Variants in GNAI1 observed in about 807,000 individuals in gnomAD.
GNAI1 encodes the protein guanine nucleotide-binding protein G(i) subunit alpha-1.
GNAI1 carries 11 observed loss-of-function variants against 38.9 expected under a neutral mutation model. That is an observed-to-expected ratio of 0.28 (90% confidence interval 0.18 to 0.47). The LOEUF is 0.47. GNAI1 is among the 20% of genes least tolerant of loss of function. The pLI is 0.99. For synonymous variants in GNAI1, 166 were observed against 145.1 expected (o/e 1.14, Z -1.04); for missense variants, 317 against 436.9 (o/e 0.73, Z 2.45).
At chr7:80,144,731 TAC>T (rs1442321857) in intron 1 of GNAI1, among the ~76,000 whole-genome samples, 1 of 152,212 alleles carries the variant, frequency 6.6e-6, no homozygotes, top group Non-Finnish European at 1.5e-5. Flanking sequence ...TAAGTAAACT[TAC>T]AGTTATAATC....
rs17153603 is a variant in GNAI1 at position 80,218,956 on chromosome 7, G to A, written c.*1463G>A. On this transcript the variant is annotated 3_prime_UTR_variant, in exon 8 of 8. Coordinates refer to ENST00000649796, the MANE Select transcript of GNAI1 (RefSeq NM_002069.6). Reference sequence around the variant, plus strand: ...TCCTTTTTTTACTCATCTTGGAAAAGGTTAGTCTTTCAGTACACGTTGCTG... The same window carrying A: ...TCCTTTTTTTACTCATCTTGGAAAAAGTTAGTCTTTCAGTACACGTTGCTG... 44,182 of 151,654 alleles carry A rather than the reference G, an allele frequency of 0.29. 7,608 individuals are homozygous for A. The highest frequency in any genetic ancestry group is 0.48 in the African/African-American group (19,700 of 41,220). The allele number at this position is 151,654 out of a possible 1,614,324, so 9.4% of individuals were successfully genotyped here.
At chr7:80,164,260 G>A (rs1262259546) in intron 1 of GNAI1, among the ~76,000 whole-genome samples, 3 of 151,534 alleles carry the variant, frequency 2.0e-5, no homozygotes, top group Non-Finnish European at 4.4e-5. Flanking sequence ...GGCCAGGATG[G>A]TCTCATCTCT....
At chr7:80,176,423 G>A (rs1408015383) in intron 1 of GNAI1, among the ~76,000 whole-genome samples, 1 of 152,190 alleles carries the variant, frequency 6.6e-6, no homozygotes, top group Non-Finnish European at 1.5e-5. Flanking sequence ...CGTTGATGAA[G>A]ATGACTACAC....
intron 1 of GNAI1, among the ~76,000 whole-genome samples, chr7:80,154,043 C>T (rs916282507): frequency 6.6e-6 from 1 of 152,130 alleles, no homozygotes; most frequent in African/African-American, 2.4e-5. Context: ...TCACCTTAGC[C>T]CCCCAAGTAG....
intron 4 of GNAI1, among the ~76,000 whole-genome samples, chr7:80,200,413 T>G (rs1272042155): frequency 6.7e-6 from 1 of 149,314 alleles, no homozygotes; most frequent in Non-Finnish European, 1.5e-5. Flanking sequence ...AAAAAATTTA[T>G]AATTTGCCAC....
chr7:80,211,631 T>TTGC (rs1264129237), intron 6 of GNAI1, among the ~76,000 whole-genome samples: 3 of 151,970 alleles, frequency 2.0e-5, no homozygotes, highest in Non-Finnish European at 4.4e-5. Context: ...GTTGGCCAGG[T>TTGC]TGGTCAGAAA....
intron 1 of GNAI1, among the ~76,000 whole-genome samples, chr7:80,155,381 A>T (rs1787801199): frequency 6.6e-6 from 1 of 152,230 alleles, no homozygotes; most frequent in African/African-American, 2.4e-5. Flanking sequence ...TCTATCCAAT[A>T]GTACATATAT....
At chr7:80,152,882 C>T (rs1027112677) in intron 1 of GNAI1, among the ~76,000 whole-genome samples, 3 of 151,586 alleles carry the variant, frequency 2.0e-5, no homozygotes, top group Non-Finnish European at 4.4e-5. Flanking sequence ...GATTCAGTCT[C>T]AATTCTTAAA....
intron 7 of GNAI1, 132 bp downstream of exon 7, chr7:80,213,001 A>G: frequency 1.7e-6 from 1 of 574,798 alleles, no homozygotes; most frequent in Non-Finnish European, 3.0e-6. Context: ...GGTATTATTT[A>G]TCAAACTGCA....
At chr7:80,171,031 C>T (rs916905) in intron 1 of GNAI1, among the ~76,000 whole-genome samples, 98,884 of 152,030 alleles carry the variant, frequency 0.65, 33,665 homozygotes, top group Non-Finnish European at 0.74. Context: ...AGTTGAGGTT[C>T]ATTACTTCTG....
At chr7:80,144,519 T>C (rs1318817271) in intron 1 of GNAI1, among the ~76,000 whole-genome samples, 1 of 152,186 alleles carries the variant, frequency 6.6e-6, no homozygotes, top group Non-Finnish European at 1.5e-5. Context: ...AATTGTAAAA[T>C]GAGTTCCTTA....
Position 80,135,302 on chromosome 7 carries a change from C to T in GNAI1, c.118+24C>T, listed in dbSNP as rs762903032. 3.1e-6 allele frequency: 4 copies of T among 1,275,096 alleles called. No individual in the cohort carries two copies. In the African/African-American group the frequency reaches 4.7e-5, roughly 15 times the overall value. 79.0% of individuals were successfully genotyped at this position (1,275,096 alleles called of 1,614,324 possible). On this transcript the variant is annotated intron_variant, in intron 1 of 7. Coordinates refer to ENST00000649796, the MANE Select transcript of GNAI1 (RefSeq NM_002069.6). The stretch of plus-strand genomic sequence containing the variant: ...CGGTAAGGGCGGCCGGGTCGGGGCC[C>T]GGGGGTCGGCGGGGGACCGGGTGCG...
At chr7:80,207,854 T>G (rs2115697011) in intron 5 of GNAI1, among the ~76,000 whole-genome samples, 1 of 152,268 alleles carries the variant, frequency 6.6e-6, no homozygotes, top group African/African-American at 2.4e-5. Flanking sequence ...ATTAGGCATT[T>G]ATGGCCAGTG....
chr7:80,171,552 C>G (rs1788098412), intron 1 of GNAI1, among the ~76,000 whole-genome samples: 1 of 152,122 alleles, frequency 6.6e-6, no homozygotes, highest in South Asian at 2.1e-4. Context: ...TAATTTACAT[C>G]TTGATGTAAA....
At chr7:80,206,039 A>C (rs532758814) in intron 5 of GNAI1, among the ~76,000 whole-genome samples, 3 of 152,234 alleles carry the variant, frequency 2.0e-5, no homozygotes, top group South Asian at 4.1e-4. Context: ...CTCATAAAGA[A>C]GTCTCACTGT....
chr7:80,175,810 C>T (rs2115580724), intron 1 of GNAI1, among the ~76,000 whole-genome samples: 2 of 152,270 alleles, frequency 1.3e-5, no homozygotes, highest in South Asian at 4.1e-4. Flanking sequence ...CTTCACTGGA[C>T]TGGCTGTTCT....
At chr7:80,217,222 A>ATATGTATGAAACTGACTTCAGTTTCC in intron 7 of GNAI1, 81 bp from the exon 8 acceptor site, 3 of 904,622 alleles carry the variant, frequency 3.3e-6, no homozygotes, top group Non-Finnish European at 5.0e-6. Flanking sequence ...CTTCAGTTTC[A>ATATGTATGAAACTGACTTCAGTTTCC]TATGTATGAA....
intron 1 of GNAI1, among the ~76,000 whole-genome samples, chr7:80,161,774 A>T (rs1367079406): frequency 2.0e-5 from 3 of 152,174 alleles, no homozygotes; most frequent in African/African-American, 7.2e-5. Context: ...TTTTTTTAGC[A>T]TCCCTTGGTT....
intron 1 of GNAI1, among the ~76,000 whole-genome samples, chr7:80,144,180 C>G (rs1026496475): frequency 3.3e-5 from 5 of 150,574 alleles, no homozygotes; most frequent in Admixed American, 3.3e-4. Flanking sequence ...GTAATTTTCT[C>G]TTCATTTTAT....
Sources: gnomAD v4.1 joint callset for allele counts (sites outside exome capture counted in the v4.1 genomes callset) on GRCh38, gnomAD v4.1.1 for gene constraint, MANE v1.5 for transcripts, NCBI Gene and HGNC (gene_info 2026-07-23, HGNC 2026-07-21) for gene names.